RUNX1T1: variants seen among roughly 807,000 people sequenced by gnomAD.
RUNX1T1 encodes protein CBFA2T1.
Under a neutral mutation model 62.8 loss-of-function variants are expected in RUNX1T1, and 4 were observed. The ratio of observed to expected loss-of-function variants is 0.06; its 90% CI spans 0.03 to 0.15. The LOEUF is 0.15. Ranked by LOEUF, RUNX1T1 falls within the 10% of genes least tolerant of loss-of-function variation. The pLI is 1.00. For missense variants in RUNX1T1, 508 were observed against 754.3 expected (o/e 0.67, Z 3.82); for synonymous variants, 291 against 286.0 (o/e 1.02, Z -0.18).
At chr8:91,997,671 T>G (rs568716660) in intron 5 of RUNX1T1, among the ~76,000 whole-genome samples, 55 of 152,292 alleles carry the variant, frequency 3.6e-4, no homozygotes, top group Non-Finnish European at 7.1e-4. Context: ...CAAGCATCTC[T>G]ATACGGGTCC....
chr8:92,097,053 A>G (rs555015070), intron 1 of RUNX1T1, among the ~76,000 whole-genome samples: 1 of 152,286 alleles, frequency 6.6e-6, no homozygotes, highest in African/African-American at 2.4e-5. Flanking sequence ...GGTAACACAA[A>G]GTGAAAAAAG....
exon 6 of RUNX1T1, chr8:91,991,655 G>A (rs752361639): frequency 2.3e-5 from 37 of 1,613,866 alleles, no homozygotes; most frequent in Non-Finnish European, 3.1e-5. Flanking sequence ...GTCTGTTTCT[G>A]TCCCTGAGGT....
intron 6 of RUNX1T1, among the ~76,000 whole-genome samples, chr8:91,987,576 T>C (rs901337271): frequency 6.6e-6 from 1 of 152,126 alleles, no homozygotes; most frequent in African/African-American, 2.4e-5. Flanking sequence ...AATTGGATAT[T>C]CTTCAAAAAA....
intron 1 of RUNX1T1, among the ~76,000 whole-genome samples, chr8:92,084,579 C>T (rs1782588583): frequency 6.6e-6 from 1 of 152,128 alleles, no homozygotes. Flanking sequence ...AGAAAGTACC[C>T]CAACTGTTCC....
At chr8:92,028,345 T>C (rs1030669212) in intron 1 of RUNX1T1, among the ~76,000 whole-genome samples, 1 of 152,162 alleles carries the variant, frequency 6.6e-6, no homozygotes, top group African/African-American at 2.4e-5. Context: ...TCTGCTGTCA[T>C]TGGAATACTG....
chr8:91,960,997 G>T (rs1428123401), intron 10 of RUNX1T1, among the ~76,000 whole-genome samples: 1 of 152,162 alleles, frequency 6.6e-6, no homozygotes, highest in Admixed American at 6.5e-5. Context: ...AAATATAATA[G>T]AGTAGATAAG....
rs551218101 is a variant in RUNX1T1 at position 91,959,727 on chromosome 8, C to T, written c.*515G>A. On this transcript the variant is annotated 3_prime_UTR_variant, in exon 11 of 11. Transcript: ENST00000396218. ...CAAAGTTCAGTTAGCAACCCACGGA[C>T]GCCATTCATCTTCTTGTTAAAATGT... 173 of 228,960 alleles carry T rather than the reference C, an allele frequency of 7.6e-4. 4 individuals carry two copies. The East Asian group carries it at 0.01, about 13-fold the overall frequency. 14.2% of individuals were successfully genotyped at this position (228,960 alleles called of 1,614,324 possible).
At chr8:92,038,603 G>A (rs866077381) in intron 1 of RUNX1T1, among the ~76,000 whole-genome samples, 13 of 152,060 alleles carry the variant, frequency 8.5e-5, no homozygotes, top group African/African-American at 2.7e-4. Context: ...GTACAGCCCC[G>A]GACAAGGTGA....
At chr8:92,073,348 C>A (rs1395678261) in intron 2 of RUNX1T1, among the ~76,000 whole-genome samples, 1 of 152,154 alleles carries the variant, frequency 6.6e-6, no homozygotes, top group Non-Finnish European at 1.5e-5. Flanking sequence ...TGGCATACCC[C>A]TTTAGTATCA....
chr8:91,960,316 C>T (rs1810153657), exon 11 of RUNX1T1: 10 of 1,611,356 alleles, frequency 6.2e-6, no homozygotes, highest in African/African-American at 1.3e-5. Context: ...GGTGGTGTGT[C>T]CATCGGGCTC....
At chr8:92,034,108 G>A (rs1346985207) in intron 1 of RUNX1T1, among the ~76,000 whole-genome samples, 2 of 152,086 alleles carry the variant, frequency 1.3e-5, no homozygotes, top group Non-Finnish European at 2.9e-5. Context: ...ATAGCGGTTG[G>A]AGCACAAGAA....
chr8:92,096,002 C>A (rs1449556107), intron 1 of RUNX1T1, among the ~76,000 whole-genome samples: 2 of 152,220 alleles, frequency 1.3e-5, no homozygotes, highest in Non-Finnish European at 2.9e-5. Flanking sequence ...GTCTATAGAG[C>A]AGTTAAGCTG....
intron 1 of RUNX1T1, among the ~76,000 whole-genome samples, chr8:92,096,274 T>C (rs1289739421): frequency 6.6e-6 from 1 of 152,178 alleles, no homozygotes; most frequent in Non-Finnish European, 1.5e-5. Context: ...TCCTTATGTG[T>C]GCATCTGAGA....
chr8:91,967,273 T>C (rs778897647), intron 10 of RUNX1T1, among the ~76,000 whole-genome samples: 7 of 152,152 alleles, frequency 4.6e-5, no homozygotes, highest in Non-Finnish European at 1.5e-5. Context: ...TGGGTTCCCA[T>C]GAGCCTGGGA....
chr8:91,960,536 G>A lies in RUNX1T1; in HGVS notation c.1459-19C>T, dbSNP rs1464157933. Reference sequence around the variant, plus strand: ...AGCAACTCTAAAGGAGAAGGCAGAAGAAAGCAAGATCCCAAGTTAATACAC... The same window carrying A: ...AGCAACTCTAAAGGAGAAGGCAGAAAAAAGCAAGATCCCAAGTTAATACAC... On this transcript the variant is annotated intron_variant, in intron 10 of 10. Coordinates refer to ENST00000396218, the Ensembl canonical transcript of RUNX1T1. 1 of 1,612,224 alleles carries A rather than the reference G, an allele frequency of 6.2e-7. No homozygotes were observed. Among genetic ancestry groups the A allele is most frequent in the African/African-American group, 1.3e-5 (1 of 74,888 alleles).
exon 11 of RUNX1T1, chr8:91,960,024 CTT>C (rs1466395697): frequency 3.5e-6 from 2 of 579,668 alleles, no homozygotes; most frequent in Non-Finnish European, 6.1e-6. Flanking sequence ...GAAAAGATAT[CTT>C]TGTTATCCAC....
chr8:91,987,233 C>T (rs563096582), intron 6 of RUNX1T1, among the ~76,000 whole-genome samples: 3 of 152,148 alleles, frequency 2.0e-5, no homozygotes, highest in African/African-American at 7.2e-5. Context: ...TAAGTGACAC[C>T]AACTCCACAA....
intron 1 of RUNX1T1, among the ~76,000 whole-genome samples, chr8:92,032,999 G>C (rs1826549128): frequency 6.6e-6 from 1 of 151,966 alleles, no homozygotes; most frequent in South Asian, 2.1e-4. Context: ...TGGTATTAGA[G>C]TATAAATTGG....
At chr8:92,099,526 A>T (rs1837943573) in intron 1 of RUNX1T1, 2 of 637,810 alleles carry the variant, frequency 3.1e-6, no homozygotes, top group Non-Finnish European at 2.0e-6. Flanking sequence ...GAACCTTTAA[A>T]TGCCCAAACA....
Sources: gnomAD v4.1 joint callset for allele counts (sites outside exome capture counted in the v4.1 genomes callset) on GRCh38, gnomAD v4.1.1 for gene constraint, MANE v1.5 for transcripts, NCBI Gene and HGNC (gene_info 2026-07-23, HGNC 2026-07-21) for gene names.